Variants in CTNNA2 observed in about 807,000 individuals in gnomAD.
CTNNA2 encodes the protein catenin alpha 2.
Under a neutral mutation model 101.0 loss-of-function variants are expected in CTNNA2, and 42 were observed. That is an observed-to-expected ratio of 0.42 (90% CI 0.32 to 0.54). CTNNA2 has a LOEUF of 0.54. CTNNA2 is among the 20% of genes least tolerant of loss of function. The pLI is 0.14. For missense variants in CTNNA2, 871 were observed against 1,223.1 expected (o/e 0.71, Z 4.29); for synonymous variants, 450 against 456.4 (o/e 0.99, Z 0.18).
At chr2:80,569,593 G>C (rs1269704849) in intron 12 of CTNNA2, among the ~76,000 whole-genome samples, 1 of 139,252 alleles carries the variant, frequency 7.2e-6, no homozygotes, top group African/African-American at 2.6e-5. Flanking sequence ...GAGGAAGTTT[G>C]AAACTTTTTC....
At chr2:80,079,491 C>G (rs969135933) in intron 7 of CTNNA2, among the ~76,000 whole-genome samples, 4 of 152,124 alleles carry the variant, frequency 2.6e-5, no homozygotes, top group Admixed American at 1.3e-4. Flanking sequence ...AGCCCTGCCT[C>G]TAGGAGCTCC....
At chr2:80,388,433 T>G (rs1027183832) in intron 7 of CTNNA2, among the ~76,000 whole-genome samples, 7 of 152,214 alleles carry the variant, frequency 4.6e-5, no homozygotes, top group Admixed American at 4.6e-4. Flanking sequence ...AGAGAAAAAC[T>G]TCAACTGCCT....
intron 4 of CTNNA2, among the ~76,000 whole-genome samples, chr2:79,449,548 G>C (rs144271096): frequency 6.6e-6 from 1 of 151,960 alleles, no homozygotes; most frequent in Non-Finnish European, 1.5e-5. Context: ...AAGGTAACTC[G>C]TTAAAAAATA....
intron 7 of CTNNA2, among the ~76,000 whole-genome samples, chr2:80,380,509 G>C (rs895840169): frequency 2.6e-5 from 4 of 152,160 alleles, no homozygotes; most frequent in African/African-American, 9.7e-5. Flanking sequence ...TGGCTGTTCA[G>C]CCTTTTTCAC....
chr2:79,452,160 C>T (rs146072943), intron 4 of CTNNA2, among the ~76,000 whole-genome samples: 1 of 152,174 alleles, frequency 6.6e-6, no homozygotes, highest in African/African-American at 2.4e-5. Context: ...AATAATATGT[C>T]CCTTTATCAC....
intron 11 of CTNNA2, 23 bp from the exon 12 acceptor site, chr2:80,555,670 A>T (rs1371104619): frequency 1.4e-6 from 2 of 1,388,488 alleles, no homozygotes; most frequent in East Asian, 5.0e-5. Flanking sequence ...AGTCATCTAA[A>T]TGTGTATGTG....
At chr2:80,201,213 ATT>A (rs1707185027) in intron 7 of CTNNA2, among the ~76,000 whole-genome samples, 1 of 151,858 alleles carries the variant, frequency 6.6e-6, no homozygotes, top group Non-Finnish European at 1.5e-5. Context: ...TATTTTTGAC[ATT>A]TTTAATGCTC....
chr2:80,260,740 C>T (rs1202137301), intron 7 of CTNNA2, among the ~76,000 whole-genome samples: 1 of 152,092 alleles, frequency 6.6e-6, no homozygotes, highest in African/African-American at 2.4e-5. Flanking sequence ...AGAGCCAACC[C>T]ACGTCACATG....
At chr2:79,241,888 T>TCTTTTCTTTC (rs1206501010) in intron 2 of CTNNA2, among the ~76,000 whole-genome samples, 4 of 49,118 alleles carry the variant, frequency 8.1e-5, no homozygotes, top group Non-Finnish European at 1.7e-4. Context: ...TTGGGTATTT[T>TCTTTTCTTTC]CTTTTCTTTT....
chr2:80,308,138 G>A (rs951394972), intron 7 of CTNNA2, among the ~76,000 whole-genome samples: 13 of 152,160 alleles, frequency 8.5e-5, no homozygotes, highest in African/African-American at 2.9e-4. Context: ...GTGAAGTGGA[G>A]TGGGGGAGTA....
intron 1 of CTNNA2, among the ~76,000 whole-genome samples, chr2:79,551,321 G>A (rs1674085368): frequency 6.6e-6 from 1 of 152,132 alleles, no homozygotes; most frequent in South Asian, 2.1e-4. Flanking sequence ...AAAAATGGGG[G>A]AGGGTAGATA....
chr2:80,581,663 A>G (rs1558612419), intron 13 of CTNNA2, 43 bp from the exon 14 acceptor site: 2 of 1,254,136 alleles, frequency 1.6e-6, no homozygotes, highest in Admixed American at 3.4e-5. Context: ...GGGGGTGAAG[A>G]TTATCAATTT....
At chr2:80,300,324 G>A (rs1035380780) in intron 7 of CTNNA2, among the ~76,000 whole-genome samples, 2 of 143,552 alleles carry the variant, frequency 1.4e-5, no homozygotes, top group Non-Finnish European at 3.0e-5. Flanking sequence ...GTGTGTGTGT[G>A]TGTGTGTGTA....
At chr2:79,900,883 T>C (rs1375762528) in intron 6 of CTNNA2, among the ~76,000 whole-genome samples, 1 of 152,166 alleles carries the variant, frequency 6.6e-6, no homozygotes, top group Non-Finnish European at 1.5e-5. Context: ...TATTACACAT[T>C]GTATGCCTGT....
intron 7 of CTNNA2, among the ~76,000 whole-genome samples, chr2:80,121,287 T>A (rs1701818184): frequency 6.6e-6 from 1 of 152,226 alleles, no homozygotes; most frequent in African/African-American, 2.4e-5. Context: ...TTATATCACC[T>A]TGAACAAGTC....
intron 1 of CTNNA2, among the ~76,000 whole-genome samples, chr2:79,561,457 G>A (rs1196571551): frequency 6.6e-6 from 1 of 151,968 alleles, no homozygotes; most frequent in Non-Finnish European, 1.5e-5. Flanking sequence ...CCAAGGAGTG[G>A]AATCGTTTAG....
At chr2:80,109,802 C>G (rs528686470) in intron 7 of CTNNA2, among the ~76,000 whole-genome samples, 17 of 152,268 alleles carry the variant, frequency 1.1e-4, no homozygotes, top group African/African-American at 3.9e-4. Context: ...TCCCAGGGCT[C>G]TCCTGGCTCC....
intron 9 of CTNNA2, among the ~76,000 whole-genome samples, chr2:80,486,447 A>G (rs1477816585): frequency 6.6e-6 from 1 of 152,232 alleles, no homozygotes; most frequent in African/African-American, 2.4e-5. Flanking sequence ...TTGTAATACT[A>G]TATAATTCTG....
intron 3 of CTNNA2, among the ~76,000 whole-genome samples, chr2:79,840,848 C>T (rs1679748785): frequency 6.6e-6 from 1 of 151,600 alleles, no homozygotes; most frequent in Admixed American, 6.6e-5. Flanking sequence ...CGGCTCACTG[C>T]AAGCTTCGCC....
Sources: gnomAD v4.1 joint callset for allele counts (sites outside exome capture counted in the v4.1 genomes callset) on GRCh38, gnomAD v4.1.1 for gene constraint, MANE v1.5 for transcripts, NCBI Gene and HGNC (gene_info 2026-07-23, HGNC 2026-07-21) for gene names.